MDM2: variants seen among roughly 807,000 people sequenced by gnomAD.
MDM2 encodes E3 ubiquitin-protein ligase Mdm2.
MDM2 carries 11 observed loss-of-function variants against 64.3 expected under a neutral mutation model. The observed-to-expected ratio is 0.17, with a 90% CI of 0.11 to 0.28. The LOEUF is 0.28. MDM2 is among the 10% of genes least tolerant of loss of function. MDM2 has a pLI of 1.00. For missense variants in MDM2, 388 were observed against 577.1 expected, an observed-to-expected ratio of 0.67 and a Z score of 3.36; for synonymous variants, 194 against 192.9, an observed-to-expected ratio of 1.01 and a Z score of -0.05.
intron 7 of MDM2, among the ~76,000 whole-genome samples, chr12:68,825,630 C>T (rs771144765): frequency 4.0e-5 from 6 of 151,774 alleles, no homozygotes; most frequent in South Asian, 2.1e-4. Context: ...TCCGCCTGGG[C>T]GACACAGTGA....
chr12:68,836,475 T>A (rs1418328126), intron 9 of MDM2, 197 bp from the exon 10 acceptor site: 1 of 468,268 alleles, frequency 2.1e-6, no homozygotes, highest in Middle Eastern at 5.7e-4. Flanking sequence ...TCCTTTGTAT[T>A]GACTTTTACC....
Position 68,845,060 on chromosome 12 carries a change from G to A in MDM2, c.*5211G>A, listed in dbSNP as rs965796876. 1.4e-5 allele frequency: 3 copies of A among 211,588 alleles called. No homozygotes were observed. The highest frequency in any genetic ancestry group is 2.9e-5 in the Non-Finnish European group (3 of 104,520). The allele number at this position is 211,588 out of a possible 1,614,324, so 13.1% of individuals were successfully genotyped here. On this transcript the variant is annotated 3_prime_UTR_variant, in exon 11 of 11. Coordinates refer to ENST00000258149, the MANE Select transcript of MDM2 (RefSeq NM_002392.6). Reference sequence around the variant, plus strand: ...TGTGATTACAGGCGTGAGCCGCCACGCCCAGCCTAATAAGGGTTTTAAAGA... The same window carrying A: ...TGTGATTACAGGCGTGAGCCGCCACACCCAGCCTAATAAGGGTTTTAAAGA...
chr12:68,836,806 A>C, intron 10 of MDM2, 57 bp downstream of exon 10: 1 of 1,036,930 alleles, frequency 9.6e-7, no homozygotes, highest in Non-Finnish European at 1.5e-6. Flanking sequence ...CAAGATTAGG[A>C]GACTATATCT....
intron 9 of MDM2, among the ~76,000 whole-genome samples, chr12:68,836,190 C>T (rs1041114253): frequency 1.3e-5 from 2 of 151,982 alleles, no homozygotes; most frequent in Non-Finnish European, 2.9e-5. Flanking sequence ...CTACTAATTG[C>T]CAAGAAGTCA....
At chr12:68,837,279 G>C (rs1883388256) in intron 10 of MDM2, among the ~76,000 whole-genome samples, 1 of 151,720 alleles carries the variant, frequency 6.6e-6, no homozygotes, top group African/African-American at 2.4e-5. Flanking sequence ...TGTTATTTTG[G>C]AAAATTTCAG....
intron 10 of MDM2, among the ~76,000 whole-genome samples, chr12:68,837,403 AGGCTGGAGTGCAGTGATGTG>A: frequency 6.6e-6 from 1 of 150,880 alleles, no homozygotes; most frequent in African/African-American, 2.4e-5. Flanking sequence ...CCTGTCTTCC[AGGCTGGAGTGCAGTGATGTG>A]ATCATGGCTC....
chr12:68,820,598 A>C (rs1881762901), intron 5 of MDM2, among the ~76,000 whole-genome samples: 1 of 152,234 alleles, frequency 6.6e-6, no homozygotes, highest in African/African-American at 2.4e-5. Context: ...TAGACTTGGG[A>C]TATCAGAGTT....
At chr12:68,813,432 TTA>T in intron 2 of MDM2, 120 bp from the exon 3 acceptor site, 1 of 637,510 alleles carries the variant, frequency 1.6e-6, no homozygotes, top group Admixed American at 2.8e-5. Flanking sequence ...TGCATAATGA[TTA>T]GATCCTCCCC....
rs533035985 is a variant in MDM2 at position 68,808,250 on chromosome 12, G to C, written c.-228G>C. On this transcript the variant is annotated 5_prime_UTR_variant, in exon 1 of 11. Transcript: ENST00000258149. Reference sequence around the variant, plus strand: ...TGTGGCCCTGTGTGTCGGAAAGATGGAGCAAGAAGCCGAGCCCGAGGGGCG... The same window carrying C: ...TGTGGCCCTGTGTGTCGGAAAGATGCAGCAAGAAGCCGAGCCCGAGGGGCG... The C allele has an allele frequency of 8.4e-6, 5 of 593,390 alleles. No individual in the cohort carries two copies. The highest frequency in any genetic ancestry group is 1.5e-5 in the Non-Finnish European group (5 of 335,362). The allele number at this position is 593,390 out of a possible 1,614,324, so 36.8% of individuals were successfully genotyped here.
chr12:68,827,305 T>G (rs1291610305), intron 7 of MDM2, among the ~76,000 whole-genome samples: 4 of 151,602 alleles, frequency 2.6e-5, no homozygotes, highest in Admixed American at 1.3e-4. Context: ...GAGGTAAGAG[T>G]TTTTTTTTCT....
intron 5 of MDM2, among the ~76,000 whole-genome samples, chr12:68,824,008 G>A (rs1882091128): frequency 6.6e-6 from 1 of 152,098 alleles, no homozygotes; most frequent in South Asian, 2.1e-4. Flanking sequence ...TCTTGGTCTG[G>A]AATGGCCTTT....
chr12:68,839,684 TTG>T lies in MDM2; in HGVS notation c.1334_1335del (p.Val445AspfsTer7), dbSNP rs773441863. The T allele has an allele frequency of 6.2e-7, 1 of 1,613,760 alleles. No individual in the cohort carries two copies. Among genetic ancestry groups the T allele is most frequent in the Non-Finnish European group, 8.5e-7 (1 of 1,179,970 alleles). ...GTTTGCCCCTTAATGCCATTGAACC[TTG>T]TGTGATTTGTCAAGGTCGACCTAAA... ...SSLPLNAIEP[C>X]VICQGRPKNG... is the part of the protein sequence containing the mutation. On this transcript the variant is annotated frameshift_variant, in exon 11 of 11. Transcript: ENST00000258149. LOFTEE classifies it high-confidence loss of function.
At chr12:68,838,258 A>T (rs1883467670) in intron 10 of MDM2, among the ~76,000 whole-genome samples, 1 of 152,182 alleles carries the variant, frequency 6.6e-6, no homozygotes, top group African/African-American at 2.4e-5. Flanking sequence ...TTCACTTGTT[A>T]AATGTCCTCA....
chr12:68,816,362 CTTTTTTTTTTTT>C (rs62874563), intron 3 of MDM2, among the ~76,000 whole-genome samples: 2 of 61,084 alleles, frequency 3.3e-5, no homozygotes, highest in African/African-American at 6.7e-5. Context: ...TTAAAAGTAG[CTTTTTTTTTTTT>C]TTTTTTTTTT....
intron 5 of MDM2, chr12:68,824,143 T>C (rs1882102662): frequency 2.0e-6 from 1 of 501,432 alleles, no homozygotes; most frequent in Admixed American, 3.8e-5. Flanking sequence ...AGTCTTTTAA[T>C]GTCTTGATTA....
At chr12:68,828,554 ACAGAGCAAGACCCTTTCT>A in intron 7 of MDM2, 199 bp from the exon 8 acceptor site, 1 of 415,000 alleles carries the variant, frequency 2.4e-6, no homozygotes, top group Non-Finnish European at 4.5e-6. Context: ...AGCCTGGGTG[ACAGAGCAAGACCCTTTCT>A]CAGACAATAA....
Position 68,836,756 on chromosome 12 carries a change from A to G in MDM2, c.918+7A>G. The G allele has an allele frequency of 5.1e-6, 8 of 1,574,540 alleles. No individual in the cohort carries two copies. Among genetic ancestry groups the G allele is most frequent in the South Asian group, 1.1e-5 (1 of 89,810 alleles). On this transcript the variant is annotated splice_region_variant and intron_variant, in intron 10 of 10. Coordinates refer to ENST00000258149, the MANE Select transcript of MDM2 (RefSeq NM_002392.6). The stretch of plus-strand genomic sequence containing the variant: ...TCCTGAAATTTCCTTAGCTGTAAGT[A>G]TACATCTACTTTTTTAAGAAATAAA...
chr12:68,847,452 C>CTTTTTTTTTTTTTTTTTTTTTTT (rs772905678), downstream of MDM2: 5 of 88,692 alleles, frequency 5.6e-5, 1 homozygote, highest in African/African-American at 2.8e-4. Context: ...TATCTCCTTT[C>CTTTTTTTTTTTTTTTTTTTTTTT]TTTTTTTTTT....
chr12:68,821,544 A>C (rs1299034881), intron 5 of MDM2, among the ~76,000 whole-genome samples: 1 of 146,974 alleles, frequency 6.8e-6, no homozygotes, highest in Non-Finnish European at 1.5e-5. Flanking sequence ...GCAGCATGGC[A>C]AAATCCTAAC....
Sources: gnomAD v4.1 joint callset for allele counts (sites outside exome capture counted in the v4.1 genomes callset) on GRCh38, gnomAD v4.1.1 for gene constraint, MANE v1.5 for transcripts, NCBI Gene and HGNC (gene_info 2026-07-23, HGNC 2026-07-21) for gene names.